FBLN7: variants seen among roughly 807,000 people sequenced by gnomAD.
FBLN7 encodes fibulin 7.
A neutral mutation model predicts 44.0 loss-of-function variants in FBLN7; 31 were observed. The observed-to-expected ratio is 0.70, with a 90% confidence interval of 0.53 to 0.95. FBLN7 has a LOEUF of 0.95. FBLN7 is among the 40% of genes least tolerant of loss of function. The pLI, the probability that FBLN7 is intolerant of heterozygous loss-of-function variation, is 0.00. For missense variants in FBLN7, 573 were observed against 618.5 expected, an observed-to-expected ratio of 0.93 and a Z score of 0.78; for synonymous variants, 262 against 253.4, an observed-to-expected ratio of 1.03 and a Z score of -0.32.
At chr2:112,145,377 C>T (rs964696575) in intron 1 of FBLN7, among the ~76,000 whole-genome samples, 2 of 151,996 alleles carry the variant, frequency 1.3e-5, no homozygotes, top group Non-Finnish European at 2.9e-5. Flanking sequence ...GCTCGAGTGA[C>T]CCTCCTGCCT....
At chr2:112,186,639 A>C (rs777750179) in intron 7 of FBLN7, among the ~76,000 whole-genome samples, 4 of 152,080 alleles carry the variant, frequency 2.6e-5, no homozygotes, top group Non-Finnish European at 4.4e-5. Context: ...GACTCTGTCT[A>C]AAAATAAATA....
the FBLN7 span, among the ~76,000 whole-genome samples, chr2:112,208,521 G>A: frequency 6.6e-6 from 1 of 152,110 alleles, no homozygotes; most frequent in Admixed American, 6.5e-5. Context: ...CTGGATTTAG[G>A]TCTATGTTTT....
At chr2:112,165,987 G>A (rs949102274) in intron 3 of FBLN7, among the ~76,000 whole-genome samples, 1 of 152,220 alleles carries the variant, frequency 6.6e-6, no homozygotes, top group Non-Finnish European at 1.5e-5. Flanking sequence ...AGAGTTGAAG[G>A]AGAAACACGG....
the FBLN7 span, among the ~76,000 whole-genome samples, chr2:112,193,914 G>T: frequency 1.3e-5 from 2 of 152,212 alleles, no homozygotes; most frequent in East Asian, 1.9e-4. Flanking sequence ...TGGAAGGATA[G>T]AATTTAATTT....
In FBLN7 at chr2:112,187,158, C is replaced by A. The variant is rs1573841694; in HGVS notation, c.972C>A (p.Pro324=). ...SPFQCERNPC[P]MDSRPCRHLP... is the part of the protein sequence containing the mutation. ...GCCAGTGTGAGCGGAACCCCTGCCCCATGGACAGCAGGCCCTGCCGCCATC... is the reference window on the plus strand; with the variant it reads ...GCCAGTGTGAGCGGAACCCCTGCCCAATGGACAGCAGGCCCTGCCGCCATC... Residue 324 remains proline (P), a synonymous_variant, in exon 8 of 8, where the codon CCC becomes CCA. Transcript: ENST00000331203. The surrounding 1 kb of genome is among the most constrained non-coding windows in gnomAD (Gnocchi z 5.1). The A allele has an allele frequency of 6.2e-7, 1 of 1,614,110 alleles. No individual in the cohort carries two copies. The highest frequency in any genetic ancestry group is 2.2e-5 in the East Asian group (1 of 44,874).
the FBLN7 span, among the ~76,000 whole-genome samples, chr2:112,236,384 A>G: frequency 6.6e-6 from 1 of 152,240 alleles, no homozygotes; most frequent in African/African-American, 2.4e-5. Context: ...GAAAGCTGCA[A>G]TAAGAAGGAA....
the FBLN7 span, chr2:112,213,483 A>T: frequency 2.0e-5 from 3 of 151,982 alleles, no homozygotes; most frequent in Non-Finnish European, 4.4e-5. Context: ...CAACAGATAA[A>T]AATTGAGTTC....
the FBLN7 span, among the ~76,000 whole-genome samples, chr2:112,203,049 C>CA: frequency 2.6e-5 from 4 of 151,884 alleles, no homozygotes; most frequent in African/African-American, 4.8e-5. Flanking sequence ...AACAAACAAA[C>CA]AAAAAAACAA....
chr2:112,223,252 T>TATA, the FBLN7 span, among the ~76,000 whole-genome samples: 215 of 151,808 alleles, frequency 1.4e-3, 2 homozygotes, highest in African/African-American at 5.1e-3. Context: ...GAACTTAAAG[T>TATA]ATAATTTAAA....
chr2:112,193,652 G>A, the FBLN7 span, among the ~76,000 whole-genome samples: 3 of 152,154 alleles, frequency 2.0e-5, no homozygotes, highest in African/African-American at 7.2e-5. Context: ...TGTGGGTATG[G>A]AGGGCCAAAT....
the FBLN7 span, among the ~76,000 whole-genome samples, chr2:112,242,748 G>A: frequency 4.6e-5 from 7 of 152,114 alleles, no homozygotes; most frequent in Non-Finnish European, 7.4e-5. Context: ...TCACAAGAGA[G>A]TAACAGAAAA....
chr2:112,175,929 G>A lies in FBLN7; in HGVS notation c.532+90G>A, dbSNP rs549920934. On this transcript the variant is annotated intron_variant, in intron 4 of 7. Coordinates refer to ENST00000331203, the MANE Select transcript of FBLN7 (RefSeq NM_153214.3). ...AGGTCCCCAAATGCAGACATGTAGGGAGCTCAGTCCCCCACTCAAAGATGT... is the reference window on the plus strand; with the variant it reads ...AGGTCCCCAAATGCAGACATGTAGGAAGCTCAGTCCCCCACTCAAAGATGT... The A allele has an allele frequency of 2.4e-5, 36 of 1,491,034 alleles. No homozygotes were observed. The South Asian group carries it at 4.1e-4, about 17-fold the overall frequency. The allele number at this position is 1,491,034 out of a possible 1,614,324, so 92.4% of individuals were successfully genotyped here. A position where few individuals can be genotyped will look rare whatever the true frequency, so the allele number is the denominator to read the frequency against.
chr2:112,242,590 T>G, the FBLN7 span, among the ~76,000 whole-genome samples: 1 of 152,198 alleles, frequency 6.6e-6, no homozygotes, highest in African/African-American at 2.4e-5. Context: ...TGTCAAGTAT[T>G]TAAAGGCGCA....
chr2:112,231,350 C>A, the FBLN7 span, among the ~76,000 whole-genome samples: 1 of 152,096 alleles, frequency 6.6e-6, no homozygotes, highest in Non-Finnish European at 1.5e-5. Flanking sequence ...GAGACTAGCT[C>A]CAACTAACAT....
rs1573843380 is a variant in FBLN7 at position 112,187,642 on chromosome 2, C to T, written c.*136C>T. ...CAGTGCACCCAGGCTTCTAGGGCAG[C>T]GTTGCACGGCGCCCCATGGAATAGC... On this transcript the variant is annotated 3_prime_UTR_variant, in exon 8 of 8. Coordinates refer to ENST00000331203, the MANE Select transcript of FBLN7 (RefSeq NM_153214.3). This position sits in a 1 kb window ranked among gnomAD's most constrained non-coding sequence, Gnocchi z 5.1. The T allele has an allele frequency of 1.7e-6, 2 of 1,184,338 alleles. No individual in the cohort carries two copies. The highest frequency in any genetic ancestry group is 2.4e-6 in the Non-Finnish European group (2 of 842,088). 73.4% of individuals were successfully genotyped at this position (1,184,338 alleles called of 1,614,324 possible).
At position 112,159,702 on chromosome 2, in the gene FBLN7, C is replaced by T. The variant is rs1330780740; in HGVS notation, c.102C>T (p.Leu34=). Reference sequence around the variant, plus strand: ...ACTGTCTCAGCAAACAGCAGCTCCTCTCGGCCATCCGCCAGCTGCAGCAGC... The same window carrying T: ...ACTGTCTCAGCAAACAGCAGCTCCTTTCGGCCATCCGCCAGCTGCAGCAGC... ...SQNCLSKQQL[L]SAIRQLQQLL... Residue 34 remains leucine, a synonymous_variant, in exon 2 of 8, where the codon CTC becomes CTT. Coordinates refer to ENST00000331203, the MANE Select transcript of FBLN7 (RefSeq NM_153214.3). The T allele has an allele frequency of 2.5e-6, 4 of 1,575,894 alleles. No individual in the cohort carries two copies. Among genetic ancestry groups the T allele is most frequent in the Middle Eastern group, 1.7e-4 (1 of 5,942 alleles).
chr2:112,152,895 T>G (rs1294465329), intron 1 of FBLN7: 3 of 152,232 alleles, frequency 2.0e-5, no homozygotes, highest in African/African-American at 7.2e-5. Context: ...TCTTTCTCTC[T>G]CCATATATTA....
At position 112,144,523 on chromosome 2, in the gene FBLN7, C is replaced by CT. The variant is rs35764058; in HGVS notation, c.75+5812dup. Reference sequence around the variant, plus strand: ...TTTGTTTTTGTTTTTGTTTTCTTTTCTTTTTTTTTTTTTTTTTTTGAGACG... The same window carrying CT: ...TTTGTTTTTGTTTTTGTTTTCTTTTCTTTTTTTTTTTTTTTTTTTTGAGACG... On this transcript the variant is annotated intron_variant, in intron 1 of 7. Transcript: ENST00000331203. Among the ~76,000 whole-genome samples the CT allele has an allele frequency of 5.8e-3, 719 of 123,736 alleles. 6 individuals carry two copies. Among genetic ancestry groups the CT allele is most frequent in the East Asian group, 0.02 (89 of 4,550 alleles). The allele number at this position is 123,736 out of a possible 152,430, so 81.2% of individuals were successfully genotyped here.
intron 2 of FBLN7, among the ~76,000 whole-genome samples, chr2:112,160,118 G>T (rs1014683979): frequency 3.9e-5 from 6 of 152,132 alleles, no homozygotes. Context: ...AGCCTCCCGC[G>T]TAGCTGGGAC....
Sources: allele counts gnomAD v4.1 joint callset (sites outside exome capture counted in the v4.1 genomes callset), GRCh38; gene constraint gnomAD v4.1.1; non-coding constraint Gnocchi (gnomAD v3.1); transcripts MANE v1.5; gene names NCBI Gene and HGNC (gene_info 2026-07-23, HGNC 2026-07-21).